Variants in CTNNA3 observed in about 807,000 individuals in gnomAD.
CTNNA3 encodes the protein catenin alpha-3.
Under a neutral mutation model 95.7 loss-of-function variants are expected in CTNNA3, and 76 were observed. The observed-to-expected ratio is 0.79, with a 90% CI of 0.66 to 0.96. The LOEUF is 0.96. Ranked by LOEUF, CTNNA3 falls within the 40% of genes least tolerant of loss-of-function variation. The pLI is 0.00. For synonymous variants in CTNNA3, 431 were observed against 374.4 expected (o/e 1.15, Z -1.74); for missense variants, 1,191 against 1,089.8 (o/e 1.09, Z -1.31).
rs1841343311 is a variant in CTNNA3, at chr10:67,742,105, G to A, written c.-2+21329C>T. ...CAACATTAGACAGATCAACGAGACA[G>A]AAAGTTAACAAGGATATCCAGGAAC... On this transcript the variant is annotated intron_variant, in intron 1 of 17. Coordinates refer to the CTNNA3 transcript ENST00000684154. Among the ~76,000 whole-genome samples the A allele has an allele frequency of 1.3e-5, 2 of 151,058 alleles. 1 individual carries two copies. Among genetic ancestry groups the A allele is most frequent in the Admixed American group, 1.3e-4 (2 of 15,084 alleles).
chr10:66,251,810 G>A (rs901529206), intron 13 of CTNNA3, among the ~76,000 whole-genome samples: 2 of 152,078 alleles, frequency 1.3e-5, no homozygotes, highest in Non-Finnish European at 2.9e-5. Flanking sequence ...TTTGTGCCAG[G>A]GTTCCAAGAG....
chr10:66,731,635 T>A (rs757134270), intron 9 of CTNNA3, among the ~76,000 whole-genome samples: 26 of 152,220 alleles, frequency 1.7e-4, no homozygotes, highest in Non-Finnish European at 2.9e-4. Context: ...GAGAAATTTT[T>A]AACATAGCTT....
intron 6 of CTNNA3, among the ~76,000 whole-genome samples, chr10:67,194,514 G>C (rs537404493): frequency 6.6e-6 from 1 of 151,032 alleles, no homozygotes; most frequent in Admixed American, 6.6e-5. Flanking sequence ...TCTGAAAAGG[G>C]AAAAACTATG....
intron 11 of CTNNA3, among the ~76,000 whole-genome samples, chr10:66,408,456 T>C (rs568379115): frequency 5.6e-4 from 85 of 152,292 alleles, no homozygotes; most frequent in African/African-American, 1.9e-3. Context: ...ATCATTCTCA[T>C]TGGCACACAA....
intron 3 of CTNNA3, among the ~76,000 whole-genome samples, chr10:67,571,199 C>G (rs1841962957): frequency 1.3e-5 from 2 of 152,060 alleles, no homozygotes; most frequent in African/African-American, 2.4e-5. Flanking sequence ...TAAGGAGACT[C>G]AAATCTAGAA....
intron 15 of CTNNA3, among the ~76,000 whole-genome samples, chr10:66,007,058 T>C (rs1406634067): frequency 6.6e-6 from 1 of 152,140 alleles, no homozygotes; most frequent in East Asian, 1.9e-4. Flanking sequence ...CAGCTATAGG[T>C]CATTAAATTT....
chr10:66,017,065 A>T (rs2133410703), intron 15 of CTNNA3, among the ~76,000 whole-genome samples: 1 of 152,250 alleles, frequency 6.6e-6, no homozygotes, highest in African/African-American at 2.4e-5. Context: ...ATATAATCTG[A>T]ACTACATAAA....
At chr10:66,947,132 T>C (rs879294680) in intron 7 of CTNNA3, among the ~76,000 whole-genome samples, 1 of 152,008 alleles carries the variant, frequency 6.6e-6, no homozygotes, top group Admixed American at 6.6e-5. Context: ...ACTCTAATGA[T>C]TGTATTAGAA....
chr10:67,242,232 C>T (rs1343212708), intron 5 of CTNNA3, among the ~76,000 whole-genome samples: 1 of 152,058 alleles, frequency 6.6e-6, no homozygotes, highest in Admixed American at 6.6e-5. Flanking sequence ...AAAGTGTGGT[C>T]CATAAGGTCA....
At chr10:66,111,167 A>G (rs180838422) in intron 13 of CTNNA3, among the ~76,000 whole-genome samples, 3 of 152,246 alleles carry the variant, frequency 2.0e-5, no homozygotes, top group African/African-American at 4.8e-5. Context: ...TGCTCTTCTC[A>G]TGATAGTGAG....
At chr10:66,358,688 G>C (rs1042892807) in intron 12 of CTNNA3, among the ~76,000 whole-genome samples, 1 of 152,174 alleles carries the variant, frequency 6.6e-6, no homozygotes, top group South Asian at 2.1e-4. Context: ...AGAACCTAAA[G>C]TATCTTTGCA....
chr10:66,331,338 GTTTGTT>G (rs2092326797), intron 12 of CTNNA3, among the ~76,000 whole-genome samples: 3 of 39,096 alleles, frequency 7.7e-5, no homozygotes, highest in Admixed American at 3.2e-4. Context: ...TTTCCCCATT[GTTTGTT>G]TTTTTTTTTT....
At chr10:66,983,872 T>C (rs1850584227) in intron 7 of CTNNA3, among the ~76,000 whole-genome samples, 1 of 152,226 alleles carries the variant, frequency 6.6e-6, no homozygotes, top group Non-Finnish European at 1.5e-5. Context: ...ATAGCTAATG[T>C]TTTAGCACTT....
At chr10:67,665,181 C>A (rs1486382592) in intron 1 of CTNNA3, among the ~76,000 whole-genome samples, 1 of 151,982 alleles carries the variant, frequency 6.6e-6, no homozygotes, top group African/African-American at 2.4e-5. Flanking sequence ...TTTTTAAAAC[C>A]ACTAATAAAC....
intron 7 of CTNNA3, among the ~76,000 whole-genome samples, chr10:67,026,008 A>T (rs941115917): frequency 4.6e-5 from 7 of 151,224 alleles, no homozygotes; most frequent in Non-Finnish European, 1.0e-4. Flanking sequence ...TATCGCAAGG[A>T]CAAAAAACCA....
At chr10:66,267,952 A>G (rs576816569) in intron 13 of CTNNA3, among the ~76,000 whole-genome samples, 3 of 152,286 alleles carry the variant, frequency 2.0e-5, no homozygotes, top group African/African-American at 7.2e-5. Flanking sequence ...TTTACCTGTC[A>G]TTAAACAAAT....
chr10:66,131,415 C>T (rs1210728468), intron 13 of CTNNA3, among the ~76,000 whole-genome samples: 3 of 152,156 alleles, frequency 2.0e-5, no homozygotes, highest in Non-Finnish European at 2.9e-5. Flanking sequence ...TCAACATATG[C>T]AGATCAATAA....
At chr10:67,488,942 C>T (rs528635314) in intron 5 of CTNNA3, among the ~76,000 whole-genome samples, 200 of 152,148 alleles carry the variant, frequency 1.3e-3, no homozygotes, top group Non-Finnish European at 1.8e-3. Flanking sequence ...CGCCATGTTG[C>T]CCAGGCTGGT....
intron 13 of CTNNA3, among the ~76,000 whole-genome samples, chr10:66,227,411 T>A (rs1340324456): frequency 6.6e-6 from 1 of 151,724 alleles, no homozygotes; most frequent in Non-Finnish European, 1.5e-5. Context: ...TTGAATTTTA[T>A]CAAATGCTTT....
Sources: gnomAD v4.1 joint callset for allele counts (sites outside exome capture counted in the v4.1 genomes callset) on GRCh38, gnomAD v4.1.1 for gene constraint, MANE v1.5 for transcripts, NCBI Gene and HGNC (gene_info 2026-07-23, HGNC 2026-07-21) for gene names.